Variants in TAFA4 observed in about 807,000 individuals in gnomAD.
The protein encoded by TAFA4 is TAFA chemokine like family member 4.
TAFA4 carries 20 observed loss-of-function variants against 21.1 expected under a neutral mutation model. The ratio of observed to expected loss-of-function variants is 0.95; its 90% CI spans 0.67 to 1.38. The LOEUF is 1.38. Among genes scored for constraint, TAFA4 ranks in the 40% most tolerant of loss-of-function variants. The pLI is 0.00. For synonymous variants in TAFA4, 71 were observed against 67.4 expected (o/e 1.05, Z -0.26); for missense variants, 211 against 180.9 (o/e 1.17, Z -0.95).
chr3:68,867,326 C>G (rs931253002), intron 3 of TAFA4, among the ~76,000 whole-genome samples: 1 of 152,028 alleles, frequency 6.6e-6, no homozygotes, highest in African/African-American at 2.4e-5. Flanking sequence ...ATACTGCACC[C>G]AGAAAAGCTT....
At chr3:68,780,801 T>C (rs1245429463) in intron 3 of TAFA4, among the ~76,000 whole-genome samples, 1 of 152,124 alleles carries the variant, frequency 6.6e-6, no homozygotes, top group East Asian at 1.9e-4. Flanking sequence ...AATCAGCAAC[T>C]GGCTGGTATT....
At chr3:68,818,080 C>T (rs368271930) in intron 3 of TAFA4, among the ~76,000 whole-genome samples, 3 of 152,298 alleles carry the variant, frequency 2.0e-5, no homozygotes, top group East Asian at 1.9e-4. Flanking sequence ...TATTGTGTAG[C>T]GTAGCCACTT....
chr3:68,836,295 C>A (rs139505319), intron 3 of TAFA4, among the ~76,000 whole-genome samples: 2 of 152,322 alleles, frequency 1.3e-5, no homozygotes, highest in East Asian at 3.9e-4. Flanking sequence ...TGCCAAACCA[C>A]AGCTTTACTC....
Position 68,734,281 on chromosome 3 carries a change from C to T in TAFA4, c.412-1128G>A, listed in dbSNP as rs530396560. On this transcript the variant is annotated intron_variant, in intron 5 of 5. Transcript: ENST00000295569. The stretch of plus-strand genomic sequence containing the variant: ...AGCTCATGGCCCATACAAAAGCAGG[C>T]CAAGGGCTGGATTTGGCCTGTAAGC... Among the ~76,000 whole-genome samples the T allele has an allele frequency of 2.0e-5, 3 of 152,198 alleles. 1 individual carries two copies. The South Asian group carries it at 6.2e-4, about 32-fold the overall frequency.
At chr3:68,781,440 G>A in intron 3 of TAFA4, among the ~76,000 whole-genome samples, 1 of 151,706 alleles carries the variant, frequency 6.6e-6, no homozygotes, top group Middle Eastern at 3.4e-3. Flanking sequence ...TAACAAAAAG[G>A]GAAACATCAC....
At chr3:68,762,846 C>G (rs1467960380) in intron 3 of TAFA4, among the ~76,000 whole-genome samples, 1 of 152,244 alleles carries the variant, frequency 6.6e-6, no homozygotes. Flanking sequence ...CAAGACAAGC[C>G]TAGCCAACAT....
chr3:68,808,199 G>A (rs890154215), intron 3 of TAFA4, among the ~76,000 whole-genome samples: 2 of 152,124 alleles, frequency 1.3e-5, no homozygotes, highest in African/African-American at 4.8e-5. Flanking sequence ...GGAAAGCAGA[G>A]TCTCACAAGA....
intron 1 of TAFA4, among the ~76,000 whole-genome samples, chr3:68,927,735 G>GA (rs2090122130): frequency 6.6e-6 from 1 of 151,846 alleles, no homozygotes; most frequent in Non-Finnish European, 1.5e-5. Context: ...TCTGTCTCTA[G>GA]AAAAAATAAC....
chr3:68,910,056 G>T (rs948710665), intron 1 of TAFA4, among the ~76,000 whole-genome samples: 7 of 152,214 alleles, frequency 4.6e-5, no homozygotes, highest in African/African-American at 1.7e-4. Flanking sequence ...GTCACCTGCA[G>T]TCCTTTACCA....
chr3:68,734,956 T>C (rs970666389), intron 5 of TAFA4, among the ~76,000 whole-genome samples: 1 of 152,146 alleles, frequency 6.6e-6, no homozygotes, highest in African/African-American at 2.4e-5. Flanking sequence ...GATGATAAAA[T>C]GCTCTCAGAC....
chr3:68,895,946 G>A (rs2089784220), intron 1 of TAFA4, among the ~76,000 whole-genome samples: 1 of 152,198 alleles, frequency 6.6e-6, no homozygotes, highest in Non-Finnish European at 1.5e-5. Flanking sequence ...GTTCAGGGAT[G>A]GCCTGGCCTC....
At chr3:68,765,633 C>T (rs1263088914) in intron 3 of TAFA4, among the ~76,000 whole-genome samples, 1 of 152,146 alleles carries the variant, frequency 6.6e-6, no homozygotes, top group African/African-American at 2.4e-5. Context: ...TTAAAGATGG[C>T]AGAGTAACCG....
At chr3:68,867,139 A>G (rs2089430070) in intron 3 of TAFA4, among the ~76,000 whole-genome samples, 1 of 151,986 alleles carries the variant, frequency 6.6e-6, no homozygotes. Context: ...ATAATAATCA[A>G]ACTCTCAAAG....
At chr3:68,836,812 A>G (rs1704533734) in intron 3 of TAFA4, among the ~76,000 whole-genome samples, 1 of 152,230 alleles carries the variant, frequency 6.6e-6, no homozygotes, top group African/African-American at 2.4e-5. Flanking sequence ...TGACTATGCT[A>G]CCAGGGTTCA....
intron 1 of TAFA4, among the ~76,000 whole-genome samples, chr3:68,887,688 G>A (rs1235516626): frequency 6.6e-6 from 1 of 152,090 alleles, no homozygotes; most frequent in African/African-American, 2.4e-5. Flanking sequence ...GGCACTAGCT[G>A]TACCTGGGCC....
At chr3:68,867,338 C>T (rs2089432799) in intron 3 of TAFA4, among the ~76,000 whole-genome samples, 1 of 152,058 alleles carries the variant, frequency 6.6e-6, no homozygotes, top group Non-Finnish European at 1.5e-5. Flanking sequence ...GAAAAGCTTT[C>T]TTTCAAACAT....
intron 1 of TAFA4, among the ~76,000 whole-genome samples, chr3:68,891,066 C>T (rs1257917282): frequency 6.6e-6 from 1 of 152,096 alleles, no homozygotes; most frequent in African/African-American, 2.4e-5. Flanking sequence ...AGGGCCTTCA[C>T]CACCATTTTT....
At chr3:68,805,861 C>T (rs947326958) in intron 3 of TAFA4, among the ~76,000 whole-genome samples, 6 of 151,960 alleles carry the variant, frequency 3.9e-5, no homozygotes, top group African/African-American at 1.2e-4. Context: ...TGCTAAATGA[C>T]GAGTTAATGG....
chr3:68,894,253 G>A (rs1351325103), intron 1 of TAFA4, among the ~76,000 whole-genome samples: 1 of 151,876 alleles, frequency 6.6e-6, no homozygotes, highest in African/African-American at 2.4e-5. Flanking sequence ...TCATCTCTGG[G>A]ACTCATGTGA....
Sources: allele counts gnomAD v4.1 joint callset (sites outside exome capture counted in the v4.1 genomes callset), GRCh38; gene constraint gnomAD v4.1.1; transcripts MANE v1.5; gene names NCBI Gene and HGNC (gene_info 2026-07-23, HGNC 2026-07-21).